The following NHS variants were observed in gnomAD, a reference collection of about 807,000 sequenced individuals.
NHS encodes NHS actin remodeling regulator.
A neutral mutation model predicts 72.5 loss-of-function variants in NHS; 5 were observed. That is an observed-to-expected ratio of 0.07 (90% confidence interval 0.04 to 0.14). The LOEUF is 0.14. Ranked by LOEUF, NHS falls within the 10% of genes least tolerant of loss-of-function variation. The pLI, the probability that NHS is intolerant of heterozygous loss-of-function variation, is 1.00. For synonymous variants in NHS, 464 were observed against 547.7 expected (o/e 0.85, Z 2.13); for missense variants, 1,072 against 1,355.7 (o/e 0.79, Z 3.29).
At chrX:17,578,827 A>T (rs2065525797) in intron 1 of NHS, among the ~76,000 whole-genome samples, 1 of 112,142 alleles carries the variant, frequency 8.9e-6, no homozygotes, top group Admixed American at 9.5e-5. Flanking sequence ...AGTGCTCAAT[A>T]AGTGTTCGCT....
In NHS at chrX:17,727,654, A is replaced by G; in HGVS notation, c.3548A>G (p.His1183Arg). 1.7e-6 allele frequency: 2 copies of G among 1,212,018 alleles called. No individual in the cohort carries two copies. The highest frequency in any genetic ancestry group is 1.8e-5 in the South Asian group (1 of 57,019). Residue 1183 changes from histidine (H) to arginine (R), a missense_variant, in exon 7 of 9, where the codon CAT becomes CGT. His to Arg is a conservative substitution (Grantham distance 29). Transcript: ENST00000676302. ...AALSPSKIRP[H>R]TANKSVSRQY... Reference sequence around the variant, plus strand: ...TTGTCTCCAAGTAAGATTAGGCCGCATACAGCAAATAAATCAGTATCTCGT... The same window carrying G: ...TTGTCTCCAAGTAAGATTAGGCCGCGTACAGCAAATAAATCAGTATCTCGT...
intron 3 of NHS, chrX:17,705,366 C>T (rs967942857): frequency 8.9e-6 from 1 of 112,056 alleles, no homozygotes; most frequent in Non-Finnish European, 1.9e-5. Flanking sequence ...CTATGTCCAC[C>T]TTCTCCAAAA....
rs2066099922 is a variant in NHS at position 17,678,385 on chromosome X, G to T, written c.566-9357G>T. ...GAGACTGGGTAATTTATAAAGAGAA[G>T]AGGTTTAATTGGCTCATGGTTCTGC... On this transcript the variant is annotated intron_variant, in intron 1 of 8. Transcript: ENST00000676302. Among the ~76,000 whole-genome samples, 4 of 110,824 alleles carry T rather than the reference G, an allele frequency of 3.6e-5. No individual in the cohort carries two copies. The South Asian group carries it at 1.5e-3, about 43-fold the overall frequency.
intron 1 of NHS, among the ~76,000 whole-genome samples, chrX:17,423,228 A>G (rs759363367): frequency 8.9e-6 from 1 of 112,440 alleles, no homozygotes; most frequent in South Asian, 3.7e-4. Context: ...ATGGCTTTTC[A>G]TGTATTTGTT....
chrX:17,730,707 T>C lies in NHS; in HGVS notation c.4350-1151T>C, dbSNP rs748488710. ...ATAGATGTATTGAGTTTGGTAATCT[T>C]AGACTTGCATTTGTGCAGGGTTTAC... is the stretch of plus-strand genomic sequence containing the variant. On this transcript the variant is annotated intron_variant, in intron 8 of 8. Coordinates refer to ENST00000676302, the MANE Select transcript of NHS (RefSeq NM_001291867.2). 8.0e-5 allele frequency among the ~76,000 whole-genome samples: 9 copies of C among 112,706 alleles called. No individual in the cohort carries two copies. In the East Asian group the frequency reaches 2.5e-3, roughly 31 times the overall value.
chrX:17,688,125 T>C (rs2066174958), intron 2 of NHS, among the ~76,000 whole-genome samples: 1 of 111,932 alleles, frequency 8.9e-6, no homozygotes, highest in Non-Finnish European at 1.9e-5. Context: ...TAAAAGGAAA[T>C]TATTGATAAT....
chrX:17,516,931 A>C (rs749659156), intron 1 of NHS, among the ~76,000 whole-genome samples: 9 of 112,615 alleles, frequency 8.0e-5, no homozygotes, highest in Middle Eastern at 4.6e-3. Context: ...TTGATGAAAG[A>C]CATCAGCTCA....
At chrX:17,539,165 T>C (rs2065250037) in intron 1 of NHS, among the ~76,000 whole-genome samples, 2 of 111,779 alleles carry the variant, frequency 1.8e-5, no homozygotes, top group South Asian at 7.5e-4. Context: ...CCCTTGCTGT[T>C]CCCTCTGCCT....
chrX:17,419,781 T>C (rs1356455959), intron 1 of NHS, among the ~76,000 whole-genome samples: 4 of 111,909 alleles, frequency 3.6e-5, no homozygotes. Flanking sequence ...TTTCCTGATA[T>C]CACTTTAAAA....
In NHS at chrX:17,561,522, A is replaced by G. The variant is rs1829409977; in HGVS notation, c.566-126220A>G. On this transcript the variant is annotated intron_variant, in intron 1 of 8. Coordinates refer to ENST00000676302, the MANE Select transcript of NHS (RefSeq NM_001291867.2). ...GTCTATACTCCTCAAGCCACTGGAT[A>G]GAGTTACTTTGAGTTCTTCACACAT... is the stretch of plus-strand genomic sequence containing the variant. Among the ~76,000 whole-genome samples, 4 of 107,332 alleles carry G rather than the reference A, an allele frequency of 3.7e-5. No individual in the cohort carries two copies. In the South Asian group the frequency reaches 1.7e-3, roughly 46 times the overall value. The allele number at this position is 107,332 out of a possible 115,157, so 93.2% of individuals were successfully genotyped here. A position where few individuals can be genotyped will look rare whatever the true frequency, so the allele number is the denominator to read the frequency against.
chrX:17,663,469 A>C lies in NHS; in HGVS notation c.566-24273A>C, dbSNP rs1422153084. On this transcript the variant is annotated intron_variant, in intron 1 of 8. Transcript: ENST00000676302. ...TTCACCTGTTCAAGAGCTTATATAA[A>C]TTGAATCATAAGTATGACTTTAAAA... is the stretch of plus-strand genomic sequence containing the variant. Among the ~76,000 whole-genome samples the C allele has an allele frequency of 2.7e-5, 3 of 112,164 alleles. No homozygotes were observed. In the Admixed American group the frequency reaches 2.8e-4, roughly 11 times the overall value.
intron 1 of NHS, among the ~76,000 whole-genome samples, chrX:17,498,387 T>C (rs1305149219): frequency 9.0e-6 from 1 of 111,291 alleles, no homozygotes; most frequent in Non-Finnish European, 1.9e-5. Context: ...TATCCCCTGG[T>C]AAAAATTTTG....
Position 17,731,882 on chromosome X carries a change from A to G in NHS, c.4374A>G (p.Arg1458=). Residue 1458 remains arginine (R), a synonymous_variant, in exon 9 of 9, where the codon AGA becomes AGG. Coordinates refer to ENST00000676302, the MANE Select transcript of NHS (RefSeq NM_001291867.2). ...IHRSKRKVLG[R]KDSGDMSVRS... is the part of the protein sequence containing the mutation. Reference sequence around the variant, plus strand: ...GATCCAAGAGGAAAGTACTTGGAAGAAAAGATTCCGGGGACATGTCTGTTC... The same window carrying G: ...GATCCAAGAGGAAAGTACTTGGAAGGAAAGATTCCGGGGACATGTCTGTTC... 1 of 1,199,791 alleles carries G rather than the reference A, an allele frequency of 8.3e-7. No individual in the cohort carries two copies. Among genetic ancestry groups the G allele is most frequent in the African/African-American group, 1.7e-5 (1 of 57,147 alleles).
In NHS at chrX:17,626,808, C is replaced by T. The variant is rs1025187408; in HGVS notation, c.566-60934C>T. Among the ~76,000 whole-genome samples, 6 of 111,763 alleles carry T rather than the reference C, an allele frequency of 5.4e-5. No individual in the cohort carries two copies. In the South Asian group the frequency reaches 1.9e-3, roughly 35 times the overall value. On this transcript the variant is annotated intron_variant, in intron 1 of 8. Transcript: ENST00000676302. ...TTTAACAAGTTTCAAAGGGGAGAGC[C>T]GAAGAACATCTGTACAGAGTTATTT...
intron 1 of NHS, among the ~76,000 whole-genome samples, chrX:17,385,990 A>G (rs1419866712): frequency 1.8e-5 from 2 of 111,774 alleles, no homozygotes; most frequent in Non-Finnish European, 3.8e-5. Context: ...ATGGCAGCTC[A>G]TCTGGTTTCC....
At chrX:17,588,240 C>A (rs1479386535) in intron 1 of NHS, among the ~76,000 whole-genome samples, 1 of 111,356 alleles carries the variant, frequency 9.0e-6, no homozygotes, top group African/African-American at 3.3e-5. Context: ...TATGCTCCCA[C>A]ATAGCATTCA....
Position 17,721,578 on chromosome X carries a change from G to A in NHS, c.1053G>A (p.Lys351=). 8.3e-7 allele frequency: 1 copy of A among 1,211,332 alleles called. No homozygotes were observed. The change falls in exon 5 of 9, where the codon AAG becomes AAA. Residue 351 remains lysine, a synonymous_variant. Transcript: ENST00000676302. ...KALPLPTPEE[K]MKQDAQVISS... ...TACCTCTCCCGACGCCAGAGGAGAA[G>A]ATGAAACAAGATGCCCAAGTGATTT...
At position 17,430,325 on chromosome X, in the gene NHS, TTTC is replaced by T. The variant is rs376962656; in HGVS notation, c.565+54006_565+54008del. Among the ~76,000 whole-genome samples, 282 of 91,981 alleles carry T rather than the reference TTTC, an allele frequency of 3.1e-3. 5 individuals carry two copies. Among genetic ancestry groups the T allele is most frequent in the African/African-American group, 0.011 (268 of 24,188 alleles). 79.9% of individuals were successfully genotyped at this position (91,981 alleles called of 115,157 possible). A position where few individuals can be genotyped will look rare whatever the true frequency, so the allele number is the denominator to read the frequency against. On this transcript the variant is annotated intron_variant, in intron 1 of 8. Transcript: ENST00000676302. ...TTTCTTTCTTTCTTTCCTTTCTTTC[TTTC>T]TTTTTCTTCTCTTTCTTTCTTTCTT...
chrX:17,632,608 C>A (rs866230687), intron 1 of NHS, among the ~76,000 whole-genome samples: 10 of 106,023 alleles, frequency 9.4e-5, no homozygotes, highest in African/African-American at 3.4e-4. Flanking sequence ...AAAACAAAAA[C>A]AAAAAAAAAC....
Sources: allele counts gnomAD v4.1 joint callset (sites outside exome capture counted in the v4.1 genomes callset), GRCh38; gene constraint gnomAD v4.1.1; transcripts MANE v1.5; gene names NCBI Gene and HGNC (gene_info 2026-07-23, HGNC 2026-07-21).